The following CERT1 variants were observed in gnomAD, a reference collection of about 807,000 sequenced individuals.
CERT1 encodes the protein ceramide transporter 1, also known as ceramide transfer protein.
Under a neutral mutation model 87.9 loss-of-function variants are expected in CERT1, and 31 were observed. The observed-to-expected ratio is 0.35, with a 90% confidence interval of 0.27 to 0.48. The LOEUF (loss-of-function observed/expected upper bound fraction) is 0.48, where lower values mean the gene tolerates loss of function less well. Among genes scored for constraint, CERT1 ranks in the 20% least tolerant of loss-of-function variants. CERT1 has a pLI of 0.99. For missense variants in CERT1, 487 were observed against 758.0 expected (o/e 0.64, Z 4.20); for synonymous variants, 289 against 250.9 (o/e 1.15, Z -1.44).
chr5:75,424,959 G>T (rs996337754), intron 5 of CERT1, among the ~76,000 whole-genome samples: 8 of 151,878 alleles, frequency 5.3e-5, no homozygotes, highest in Admixed American at 1.3e-4. Context: ...ATAAAAAATA[G>T]AAAAATAAAT....
At chr5:75,435,833 T>C (rs1387444998) in intron 3 of CERT1, among the ~76,000 whole-genome samples, 2 of 152,084 alleles carry the variant, frequency 1.3e-5, no homozygotes, top group African/African-American at 2.4e-5. Flanking sequence ...AACACTCTGA[T>C]GGGGACTGCT....
chr5:75,447,919 C>T (rs1449977233), intron 3 of CERT1, among the ~76,000 whole-genome samples: 1 of 152,142 alleles, frequency 6.6e-6, no homozygotes, highest in Non-Finnish European at 1.5e-5. Flanking sequence ...GGACTACAGG[C>T]ATGTGCCATC....
At chr5:75,377,437 T>C (rs959286454), downstream of CERT1, 6 of 152,248 alleles carry the variant, frequency 3.9e-5, no homozygotes, top group South Asian at 2.1e-4. Flanking sequence ...GATACAATTA[T>C]GACACTGCTC....
chr5:75,462,086 G>A (rs927890826), intron 2 of CERT1, among the ~76,000 whole-genome samples: 3 of 151,848 alleles, frequency 2.0e-5, no homozygotes, highest in Non-Finnish European at 4.4e-5. Flanking sequence ...GTTTTTTCTT[G>A]CTTCCTTAAA....
intron 8 of CERT1, among the ~76,000 whole-genome samples, chr5:75,403,615 A>G (rs1762588643): frequency 6.6e-6 from 1 of 152,222 alleles, no homozygotes; most frequent in Non-Finnish European, 1.5e-5. Flanking sequence ...ACTATAGCTA[A>G]TAAGTACGGC....
chr5:75,395,220 G>A (rs773887588), intron 11 of CERT1, among the ~76,000 whole-genome samples: 3 of 152,176 alleles, frequency 2.0e-5, no homozygotes, highest in Non-Finnish European at 4.4e-5. Context: ...ACCTTTAAAT[G>A]TGAACTGTGT....
rs568531135 is a variant in CERT1 at position 75,419,364 on chromosome 5, C to T, written c.656G>A (p.Ser219Asn). The T allele has an allele frequency of 5.0e-5, 81 of 1,611,754 alleles. No individual in the cohort carries two copies. The highest frequency in any genetic ancestry group is 1.6e-4 in the Middle Eastern group (1 of 6,072). ...TTRSDGDFLH[S>N]TNGNKEKLFP... is the part of the protein sequence containing the mutation. ...ACACTTTTCTTTATTGCCGTTGGTA[C>T]TATGCAAGAAGTCACCATCAGAACG... The change falls in exon 6 of 17, where the codon AGT (serine) becomes AAT (asparagine). Residue 219 changes from serine (S) to asparagine (N), a missense_variant. Around this residue, in one of 8 missense-constraint regions of CERT1, gnomAD observed 173 missense variants for 302.2 expected, o/e 0.57. Transcript: ENST00000643780.
At chr5:75,460,606 T>A (rs1408977008) in intron 2 of CERT1, among the ~76,000 whole-genome samples, 1 of 152,164 alleles carries the variant, frequency 6.6e-6, no homozygotes, top group Non-Finnish European at 1.5e-5. Context: ...TCAATCAATA[T>A]CCTCTCCTAA....
chr5:75,375,037 G>C (rs975047902), downstream of CERT1: 3 of 200,552 alleles, frequency 1.5e-5, no homozygotes, highest in African/African-American at 7.1e-5. Flanking sequence ...CTCACAATTT[G>C]CATAGTTGTG....
At chr5:75,422,879 A>C (rs1045278531) in intron 5 of CERT1, among the ~76,000 whole-genome samples, 3 of 152,214 alleles carry the variant, frequency 2.0e-5, no homozygotes, top group Non-Finnish European at 4.4e-5. Context: ...ATACAAAGGG[A>C]AAGATGATGA....
At chr5:75,507,025 A>G (rs112931368) in intron 1 of CERT1, among the ~76,000 whole-genome samples, 31 of 152,360 alleles carry the variant, frequency 2.0e-4, no homozygotes, top group African/African-American at 5.8e-4. Context: ...ATGGATTGCC[A>G]AAATATACTG....
chr5:75,386,077 C>T (rs777522727), intron 12 of CERT1, 43 bp from the exon 13 acceptor site: 74 of 1,409,286 alleles, frequency 5.3e-5, no homozygotes, highest in Non-Finnish European at 6.3e-5. Flanking sequence ...AATTAAAAAT[C>T]AAGCCCATAA....
intron 11 of CERT1, among the ~76,000 whole-genome samples, chr5:75,397,491 T>A (rs1156370926): frequency 2.6e-5 from 4 of 152,226 alleles, no homozygotes; most frequent in East Asian, 3.8e-4. Context: ...AGCACTACAG[T>A]GAGGGCCCTG....
chr5:75,462,434 G>T (rs1243907006), intron 2 of CERT1, among the ~76,000 whole-genome samples: 1 of 152,172 alleles, frequency 6.6e-6, no homozygotes, highest in Non-Finnish European at 1.5e-5. Context: ...ACTCCTATGA[G>T]AATCTAATGC....
chr5:75,506,221 G>T (rs1178151735), intron 1 of CERT1, 105 bp from the exon 2 acceptor site: 2 of 1,058,466 alleles, frequency 1.9e-6, no homozygotes, highest in African/African-American at 1.6e-5. Flanking sequence ...ACCAAAACGT[G>T]AAAAGTCCAA....
At chr5:75,444,000 C>T (rs1421559645) in intron 3 of CERT1, among the ~76,000 whole-genome samples, 1 of 152,152 alleles carries the variant, frequency 6.6e-6, no homozygotes, top group Admixed American at 6.5e-5. Context: ...TATTTTCTTC[C>T]ATTCTTTCAC....
At chr5:75,484,017 C>T (rs1766384427) in intron 2 of CERT1, among the ~76,000 whole-genome samples, 2 of 152,114 alleles carry the variant, frequency 1.3e-5, no homozygotes, top group Admixed American at 1.3e-4. Context: ...ATGATAACTA[C>T]ATCAACTTTT....
intron 3 of CERT1, among the ~76,000 whole-genome samples, chr5:75,457,976 TGTGTG>T (rs1451815104): frequency 1.7e-4 from 26 of 150,788 alleles, no homozygotes; most frequent in Non-Finnish European, 4.4e-5. Flanking sequence ...TGTGTGTGTG[TGTGTG>T]GTATGTGTGT....
chr5:75,485,649 T>C (rs985164389), intron 2 of CERT1, among the ~76,000 whole-genome samples: 2 of 151,796 alleles, frequency 1.3e-5, no homozygotes, highest in Non-Finnish European at 2.9e-5. Flanking sequence ...AAGACCCAAA[T>C]AGATAAAATC....
Sources: allele counts gnomAD v4.1 joint callset (sites outside exome capture counted in the v4.1 genomes callset), GRCh38; gene constraint gnomAD v4.1.1; regional missense constraint gnomAD v4.1.1; transcripts MANE v1.5; gene names NCBI Gene and HGNC (gene_info 2026-07-23, HGNC 2026-07-21).